Variants in DNM3 observed in about 807,000 individuals in gnomAD.
The protein encoded by DNM3 is dynamin-3.
Under a neutral mutation model 101.6 loss-of-function variants are expected in DNM3, and 47 were observed. That is an observed-to-expected ratio of 0.46 (90% CI 0.37 to 0.59). DNM3 has a LOEUF of 0.59. Ranked by LOEUF, DNM3 falls within the 20% of genes least tolerant of loss-of-function variation. DNM3 has a pLI of 0.00. For synonymous variants in DNM3, 385 were observed against 387.9 expected (o/e 0.99, Z 0.09); for missense variants, 849 against 1,085.7 (o/e 0.78, Z 3.06).
Position 172,032,453 on chromosome 1 carries a change from CG to C in DNM3, c.643del (p.Asp215MetfsTer6). 1 of 1,607,360 alleles carries C rather than the reference CG, an allele frequency of 6.2e-7. No individual in the cohort carries two copies. The highest frequency in any genetic ancestry group is 8.5e-7 in the Non-Finnish European group (1 of 1,176,840). On this transcript the variant is annotated frameshift_variant, in exon 5 of 21. Transcript: ENST00000627582. LOFTEE classifies it high-confidence loss of function. ...AAACTGGACCTTATGGATGAAGGAACGGATGCCAGGGATGTTCTAGAGAACA... is the reference window on the plus strand; with the variant it reads ...AAACTGGACCTTATGGATGAAGGAACGATGCCAGGGATGTTCTAGAGAACA... ...ITKLDLMDEG[T>X]DARDVLENKL... is the part of the protein sequence containing the mutation.
chr1:172,317,742 A>G (rs1230794892), intron 16 of DNM3, among the ~76,000 whole-genome samples: 3 of 152,224 alleles, frequency 2.0e-5, no homozygotes, highest in Non-Finnish European at 4.4e-5. Flanking sequence ...TTGTGGCAAT[A>G]ATCAATAGCT....
intron 2 of DNM3, among the ~76,000 whole-genome samples, chr1:171,960,346 A>T (rs930966431): frequency 1.3e-5 from 2 of 152,160 alleles, no homozygotes; most frequent in Admixed American, 1.3e-4. Context: ...ATGTTGTTTA[A>T]AGTTACCCCA....
intron 17 of DNM3, among the ~76,000 whole-genome samples, chr1:172,346,668 G>A (rs1323424586): frequency 6.6e-6 from 1 of 152,150 alleles, no homozygotes; most frequent in Non-Finnish European, 1.5e-5. Context: ...TAGTTTAAAT[G>A]ATGAAGAAAA....
intron 1 of DNM3, 65 bp from the exon 2 acceptor site, chr1:171,921,683 G>T: frequency 7.3e-7 from 1 of 1,373,302 alleles, no homozygotes; most frequent in South Asian, 1.2e-5. Context: ...GTGGAACTTG[G>T]TTTATGAATG....
In DNM3 at chr1:172,354,999, G is replaced by A. The variant is rs9425570; in HGVS notation, c.1894-24019G>A. Among the ~76,000 whole-genome samples, 493 of 152,288 alleles carry A rather than the reference G, an allele frequency of 3.2e-3. 2 individuals are homozygous for A. The highest frequency in any genetic ancestry group is 0.011 in the African/African-American group (468 of 41,574). On this transcript the variant is annotated intron_variant, in intron 17 of 20. Coordinates refer to ENST00000627582, the MANE Select transcript of DNM3 (RefSeq NM_015569.5). ...ATTTGTCTCGGCTTGCACTGTGAAT[G>A]GAAGGAGAGAAAAGTCTTTGAGAAT...
At chr1:172,073,512 A>G (rs1034760601) in intron 11 of DNM3, among the ~76,000 whole-genome samples, 1 of 152,178 alleles carries the variant, frequency 6.6e-6, no homozygotes, top group African/African-American at 2.4e-5. Flanking sequence ...ACTATTTGAG[A>G]GTAATAGTAC....
chr1:172,212,229 C>A (rs918450014), intron 14 of DNM3, among the ~76,000 whole-genome samples: 2 of 152,128 alleles, frequency 1.3e-5, no homozygotes, highest in South Asian at 2.1e-4. Flanking sequence ...ATTTCTAATT[C>A]TTGATTTTGT....
intron 17 of DNM3, 63 bp downstream of exon 17, chr1:172,323,403 C>G: frequency 6.4e-7 from 1 of 1,559,208 alleles, no homozygotes; most frequent in African/African-American, 1.4e-5. Flanking sequence ...TCCTGCATGT[C>G]TTGACAAGAG....
intron 15 of DNM3, among the ~76,000 whole-genome samples, chr1:172,283,119 T>C (rs1050303288): frequency 7.9e-5 from 12 of 152,190 alleles, no homozygotes; most frequent in Non-Finnish European, 1.8e-4. Flanking sequence ...TTGTGCCACA[T>C]TGTCAGTTTC....
intron 14 of DNM3, among the ~76,000 whole-genome samples, chr1:172,135,644 G>A (rs1245097108): frequency 6.6e-6 from 1 of 151,898 alleles, no homozygotes; most frequent in Non-Finnish European, 1.5e-5. Flanking sequence ...TTTTTGGAAA[G>A]GGATTTAGTA....
intron 14 of DNM3, among the ~76,000 whole-genome samples, chr1:172,179,891 A>G (rs556632120): frequency 4.6e-4 from 70 of 152,036 alleles, no homozygotes; most frequent in Non-Finnish European, 8.2e-4. Context: ...CCCATGGCGT[A>G]CATAGCAGGG....
intron 15 of DNM3, among the ~76,000 whole-genome samples, chr1:172,259,584 A>G (rs2062559402): frequency 6.6e-6 from 1 of 152,084 alleles, no homozygotes; most frequent in Non-Finnish European, 1.5e-5. Context: ...TTTGAGCACC[A>G]TTTACATGGA....
chr1:172,235,133 A>G (rs1016372689), intron 14 of DNM3, among the ~76,000 whole-genome samples: 1 of 152,162 alleles, frequency 6.6e-6, no homozygotes, highest in Admixed American at 6.5e-5. Flanking sequence ...GAATCTACAA[A>G]GAACTCAAAC....
chr1:172,403,539 G>T lies in DNM3; in HGVS notation c.2523-4233G>T, dbSNP rs115757120. ...CAATGATGCATTCTTCTCTCTTATC[G>T]GTAAAGCCAGTTTCTCCCCCACAAT... On this transcript the variant is annotated intron_variant, in intron 20 of 20. Coordinates refer to ENST00000627582, the MANE Select transcript of DNM3 (RefSeq NM_015569.5). Among the ~76,000 whole-genome samples the T allele has an allele frequency of 9.0e-3, 1,376 of 152,150 alleles. 30 individuals carry two copies. The highest frequency in any genetic ancestry group is 0.031 in the African/African-American group (1,302 of 41,524).
chr1:171,982,019 A>G (rs1418382031), intron 2 of DNM3, among the ~76,000 whole-genome samples: 1 of 152,188 alleles, frequency 6.6e-6, no homozygotes, highest in African/African-American at 2.4e-5. Flanking sequence ...AGACCATTTC[A>G]TGTGCCCAAC....
At chr1:172,336,089 A>C (rs555511367) in intron 17 of DNM3, among the ~76,000 whole-genome samples, 1 of 152,180 alleles carries the variant, frequency 6.6e-6, no homozygotes, top group Non-Finnish European at 1.5e-5. Context: ...GGGTGCTACT[A>C]TCTAGTGGGT....
Position 172,033,242 on chromosome 1 carries a change from C to A in DNM3, c.826C>A (p.His276Asn). 3 of 1,603,466 alleles carry A rather than the reference C, an allele frequency of 1.9e-6. No homozygotes were observed. Among genetic ancestry groups the A allele is most frequent in the Non-Finnish European group, 2.6e-6 (3 of 1,174,804 alleles). Residue 276 changes from histidine (H) to asparagine (N), a missense_variant, in exon 6 of 21, where the codon CAC becomes AAC. Transcript: ENST00000627582. ...TATCGCTGACCGAATGGGAACCCCACACCTGCAGAAGGTCCTTAATCAGGT... is the reference window on the plus strand; with the variant it reads ...TATCGCTGACCGAATGGGAACCCCAAACCTGCAGAAGGTCCTTAATCAGGT... ...RHIADRMGTP[H>N]LQKVLNQQLT...
intron 16 of DNM3, among the ~76,000 whole-genome samples, chr1:172,315,454 A>C (rs1211857476): frequency 6.6e-6 from 1 of 152,228 alleles, no homozygotes; most frequent in Non-Finnish European, 1.5e-5. Flanking sequence ...TACAGGAGGA[A>C]ATTCAAACCA....
intron 15 of DNM3, among the ~76,000 whole-genome samples, chr1:172,283,891 T>C (rs1318610155): frequency 1.3e-5 from 2 of 152,142 alleles, no homozygotes; most frequent in Non-Finnish European, 2.9e-5. Flanking sequence ...AGTGCTATGT[T>C]GTCTCCTTCC....
Sources: gnomAD v4.1 joint callset for allele counts (sites outside exome capture counted in the v4.1 genomes callset) on GRCh38, gnomAD v4.1.1 for gene constraint, MANE v1.5 for transcripts, NCBI Gene and HGNC (gene_info 2026-07-23, HGNC 2026-07-21) for gene names.